The following STOX2 variants were observed in gnomAD, a reference collection of about 807,000 sequenced individuals.
STOX2 encodes the protein storkhead-box protein 2.
STOX2 carries 28 observed loss-of-function variants against 60.9 expected under a neutral mutation model. The observed-to-expected ratio is 0.46, with a 90% CI of 0.34 to 0.63. STOX2 has a LOEUF of 0.63. STOX2 is among the 30% of genes least tolerant of loss of function. The pLI is 0.01. For missense variants in STOX2, 1,024 were observed against 1,187.7 expected, an observed-to-expected ratio of 0.86 and a Z score of 2.03; for synonymous variants, 472 against 463.9, an observed-to-expected ratio of 1.02 and a Z score of -0.22.
At chr4:183,849,715 A>G (rs1740070039) in intron 1 of STOX2, among the ~76,000 whole-genome samples, 1 of 152,176 alleles carries the variant, frequency 6.6e-6, no homozygotes, top group South Asian at 2.1e-4. Context: ...GGAGCCATCC[A>G]CACATCGGGA....
chr4:183,857,712 CA>C (rs1244110206), intron 1 of STOX2, among the ~76,000 whole-genome samples: 1 of 152,154 alleles, frequency 6.6e-6, no homozygotes, highest in Non-Finnish European at 1.5e-5. Context: ...CTTTCTCCTC[CA>C]GCTCTGCCCC....
chr4:183,841,199 T>C (rs957371144), intron 1 of STOX2, among the ~76,000 whole-genome samples: 3 of 150,218 alleles, frequency 2.0e-5, no homozygotes, highest in South Asian at 2.1e-4. Flanking sequence ...ATTTATTTAT[T>C]TATTTATTTA....
intron 1 of STOX2, among the ~76,000 whole-genome samples, chr4:183,998,373 T>A (rs1733436550): frequency 6.6e-6 from 1 of 152,092 alleles, no homozygotes; most frequent in Non-Finnish European, 1.5e-5. Context: ...CCCTGTCCTA[T>A]CCAGTGGAGG....
chr4:183,877,560 G>A (rs1026544461), intron 1 of STOX2, among the ~76,000 whole-genome samples: 14 of 152,196 alleles, frequency 9.2e-5, no homozygotes, highest in East Asian at 1.9e-4. Flanking sequence ...CTCTGTATGC[G>A]TGCTCTGCAC....
At chr4:183,801,748 G>A (rs893786496) in intron 1 of STOX2, among the ~76,000 whole-genome samples, 4 of 152,138 alleles carry the variant, frequency 2.6e-5, no homozygotes, top group Admixed American at 1.3e-4. Context: ...TGGCTGGGGT[G>A]ATAAGACAAT....
intron 1 of STOX2, among the ~76,000 whole-genome samples, chr4:183,873,326 A>C (rs931600597): frequency 1.3e-5 from 2 of 151,994 alleles, no homozygotes; most frequent in Non-Finnish European, 2.9e-5. Context: ...CATGCCTGTA[A>C]TCCCAGCTAC....
chr4:183,971,735 G>A (rs1478419500), intron 1 of STOX2, among the ~76,000 whole-genome samples: 1 of 152,188 alleles, frequency 6.6e-6, no homozygotes, highest in Non-Finnish European at 1.5e-5. Context: ...TAAAATAAAA[G>A]TAAGTCTTTA....
chr4:183,982,926 A>G (rs1242914248), intron 1 of STOX2, among the ~76,000 whole-genome samples: 1 of 152,144 alleles, frequency 6.6e-6, no homozygotes, highest in African/African-American at 2.4e-5. Context: ...TAACCTAAAC[A>G]TTCAGCATGA....
At chr4:183,889,823 T>A (rs967751444) in intron 1 of STOX2, among the ~76,000 whole-genome samples, 5 of 152,198 alleles carry the variant, frequency 3.3e-5, no homozygotes, top group African/African-American at 1.2e-4. Context: ...TATTCAAGGA[T>A]GGCTGGAAAC....
rs1467660812 is a variant in STOX2, at chr4:184,018,743, T to G, written c.*1459T>G. On this transcript the variant is annotated 3_prime_UTR_variant, in exon 4 of 4. Coordinates refer to ENST00000308497, the MANE Select transcript of STOX2 (RefSeq NM_020225.3). ...AGCAGCAAAGGGATGACCAATAATTTCATCTTATAGCAAGGAGACATTCCA... is the reference window on the plus strand; with the variant it reads ...AGCAGCAAAGGGATGACCAATAATTGCATCTTATAGCAAGGAGACATTCCA... The G allele has an allele frequency of 6.6e-6, 1 of 152,216 alleles. No homozygotes were observed. Among genetic ancestry groups the G allele is most frequent in the Non-Finnish European group, 1.5e-5 (1 of 68,030 alleles). The allele number at this position is 152,216 out of a possible 1,614,324, so 9.4% of individuals were successfully genotyped here.
At chr4:183,914,068 G>C (rs929744487) in intron 1 of STOX2, among the ~76,000 whole-genome samples, 3 of 152,138 alleles carry the variant, frequency 2.0e-5, no homozygotes, top group African/African-American at 7.2e-5. Flanking sequence ...GTACTACCCA[G>C]AATGAACCCA....
At chr4:183,807,045 T>C (rs1279606216) in intron 1 of STOX2, among the ~76,000 whole-genome samples, 1 of 152,094 alleles carries the variant, frequency 6.6e-6, no homozygotes, top group East Asian at 1.9e-4. Flanking sequence ...CGATCTCGGC[T>C]CACTGCAAGC....
At chr4:183,986,153 T>C (rs1342829220) in intron 1 of STOX2, among the ~76,000 whole-genome samples, 1 of 152,084 alleles carries the variant, frequency 6.6e-6, no homozygotes, top group Admixed American at 6.5e-5. Context: ...AACAAATACT[T>C]GAAGAAAAGG....
In STOX2 at chr4:184,010,569, A is replaced by C; in HGVS notation, c.1731A>C (p.Lys577Asn). 1 of 1,613,894 alleles carries C rather than the reference A, an allele frequency of 6.2e-7. No homozygotes were observed. Among genetic ancestry groups the C allele is most frequent in the Non-Finnish European group, 8.5e-7 (1 of 1,179,852 alleles). Residue 577 changes from lysine to asparagine, a missense_variant, in exon 3 of 4, where the codon AAA (lysine) becomes AAC (asparagine). Lys to Asn is a moderately conservative substitution (Grantham distance 94). This residue lies in a region of STOX2 where 922 missense variants were observed against 1,058.3 expected (regional missense o/e 0.87). Transcript: ENST00000308497. This position sits in a 1 kb window ranked among gnomAD's most constrained non-coding sequence, Gnocchi z 4.5. ...SSACSLLEPG[K>N]PPESLPSYGE... ...CTTGCAGCCTTTTGGAGCCAGGAAA[A>C]CCACCCGAGAGTTTGCCATCCTATG... is the stretch of plus-strand genomic sequence containing the variant.
At chr4:183,810,413 G>T (rs780497995) in intron 1 of STOX2, among the ~76,000 whole-genome samples, 28 of 152,226 alleles carry the variant, frequency 1.8e-4, no homozygotes, top group Non-Finnish European at 3.8e-4. Context: ...ACAAGGTTTT[G>T]CAGTAGGGGA....
chr4:183,934,754 A>C (rs1317644426), intron 1 of STOX2, among the ~76,000 whole-genome samples: 1 of 152,244 alleles, frequency 6.6e-6, no homozygotes, highest in Non-Finnish European at 1.5e-5. Flanking sequence ...AATTTCAAAG[A>C]ATCAATATGC....
At chr4:183,862,410 G>C (rs1008508676) in intron 1 of STOX2, among the ~76,000 whole-genome samples, 1 of 152,108 alleles carries the variant, frequency 6.6e-6, no homozygotes, top group Non-Finnish European at 1.5e-5. Flanking sequence ...TGCCTACCTC[G>C]GCCTCCCAAA....
intron 1 of STOX2, among the ~76,000 whole-genome samples, chr4:183,860,282 G>A (rs1224569182): frequency 2.6e-5 from 4 of 151,808 alleles, no homozygotes; most frequent in African/African-American, 9.7e-5. Flanking sequence ...AAAGGAAACG[G>A]GCCCTCAAAA....
chr4:184,011,493 C>T lies in STOX2; in HGVS notation c.2585+70C>T. Reference sequence around the variant, plus strand: ...CTGGGGCTTTATGCACGTAACTTGACAAGTTTCTGATTTCGTAGTCTCAGT... The same window carrying T: ...CTGGGGCTTTATGCACGTAACTTGATAAGTTTCTGATTTCGTAGTCTCAGT... On this transcript the variant is annotated intron_variant, in intron 3 of 3. Coordinates refer to ENST00000308497, the MANE Select transcript of STOX2 (RefSeq NM_020225.3). The surrounding 1 kb of genome is among the most constrained non-coding windows in gnomAD (Gnocchi z 4.4). The T allele has an allele frequency of 1.9e-6, 3 of 1,584,454 alleles. No homozygotes were observed. In the Admixed American group the frequency reaches 5.2e-5, roughly 28 times the overall value.
Sources: allele counts gnomAD v4.1 joint callset (sites outside exome capture counted in the v4.1 genomes callset), GRCh38; gene constraint gnomAD v4.1.1; regional missense constraint gnomAD v4.1.1; non-coding constraint Gnocchi (gnomAD v3.1); transcripts MANE v1.5; gene names NCBI Gene and HGNC (gene_info 2026-07-23, HGNC 2026-07-21).